The following CCDC12 variants were observed in gnomAD, a reference collection of about 807,000 sequenced individuals.
CCDC12 encodes coiled-coil domain-containing protein 12.
A neutral mutation model predicts 25.7 loss-of-function variants in CCDC12; 28 were observed. The ratio of observed to expected loss-of-function variants is 1.09; its 90% confidence interval spans 0.81 to 1.50. CCDC12 has a LOEUF of 1.50. Ranked by LOEUF, CCDC12 falls within the 40% of genes most tolerant of loss-of-function variation. The pLI, the probability that CCDC12 is intolerant of heterozygous loss-of-function variation, is 0.00. For synonymous variants in CCDC12, 75 were observed against 87.7 expected, an observed-to-expected ratio of 0.86 and a Z score of 0.81; for missense variants, 198 against 210.0, an observed-to-expected ratio of 0.94 and a Z score of 0.35.
intron 3 of CCDC12, 54 bp from the exon 4 acceptor site, chr3:46,923,722 C>A: frequency 7.2e-7 from 1 of 1,383,384 alleles, no homozygotes. Flanking sequence ...TGCCACTCTG[C>A]AGGGACACTG....
intron 2 of CCDC12, among the ~76,000 whole-genome samples, chr3:46,936,464 T>G (rs2033446244): frequency 6.6e-6 from 1 of 152,238 alleles, no homozygotes; most frequent in Non-Finnish European, 1.5e-5. Flanking sequence ...CAAACAGGTA[T>G]GGCATTTGCT....
At chr3:46,929,036 A>G (rs906348276) in intron 2 of CCDC12, among the ~76,000 whole-genome samples, 3 of 152,248 alleles carry the variant, frequency 2.0e-5, no homozygotes, top group African/African-American at 7.2e-5. Flanking sequence ...TATTGACTGT[A>G]TAAAAGAGTA....
chr3:46,966,814 C>T (rs2107191666), intron 1 of CCDC12, among the ~76,000 whole-genome samples: 1 of 152,250 alleles, frequency 6.6e-6, no homozygotes, highest in African/African-American at 2.4e-5. Flanking sequence ...TCCACTGGCA[C>T]CACACACTTC....
At chr3:46,943,183 G>T (rs1418456699) in intron 1 of CCDC12, among the ~76,000 whole-genome samples, 1 of 152,178 alleles carries the variant, frequency 6.6e-6, no homozygotes, top group East Asian at 1.9e-4. Flanking sequence ...GCTTCACTGA[G>T]AAACAAGTCA....
intron 1 of CCDC12, among the ~76,000 whole-genome samples, chr3:46,965,715 C>T (rs1488544065): frequency 6.6e-6 from 1 of 152,178 alleles, no homozygotes; most frequent in Admixed American, 6.5e-5. Context: ...CTGGCCCATC[C>T]CTCTGGCTCC....
At chr3:46,969,512 C>A (rs1464969328) in intron 1 of CCDC12, among the ~76,000 whole-genome samples, 1 of 152,110 alleles carries the variant, frequency 6.6e-6, no homozygotes, top group African/African-American at 2.4e-5. Context: ...GGATTACAGG[C>A]GTGAGACACC....
chr3:46,949,957 T>C (rs916250357), intron 1 of CCDC12, among the ~76,000 whole-genome samples: 1 of 147,908 alleles, frequency 6.8e-6, no homozygotes, highest in African/African-American at 2.5e-5. Flanking sequence ...AACCCAGAGG[T>C]AGTGGTTGCA....
rs149377956 is a variant in CCDC12, at chr3:46,976,587, A to C, written c.96+50T>G. The C allele has an allele frequency of 3.8e-4, 606 of 1,576,906 alleles. 5 individuals carry two copies. In the East Asian group the frequency reaches 0.014, roughly 36 times the overall value. On this transcript the variant is annotated intron_variant, in intron 1 of 6. Coordinates refer to ENST00000683445, the MANE Select transcript of CCDC12 (RefSeq NM_001277074.2). ...TTTGCTCTCCTCAAGCGCGACCCGG[A>C]CCCCGAACGCTGGACGCCTCAACTG...
At chr3:46,957,995 A>ACACACACACACC (rs2034350836) in intron 1 of CCDC12, among the ~76,000 whole-genome samples, 1 of 148,896 alleles carries the variant, frequency 6.7e-6, no homozygotes, top group Non-Finnish European at 1.5e-5. Context: ...ACACACACAC[A>ACACACACACACC]CATATATATG....
chr3:46,977,769 A>C (rs2035043356), upstream of CCDC12, among the ~76,000 whole-genome samples: 1 of 152,026 alleles, frequency 6.6e-6, no homozygotes, highest in Non-Finnish European at 1.5e-5. Flanking sequence ...GCAAACCCCA[A>C]CCTGGGTCCA....
chr3:46,951,025 C>T (rs1179901380), intron 1 of CCDC12, among the ~76,000 whole-genome samples: 1 of 151,870 alleles, frequency 6.6e-6, no homozygotes, highest in African/African-American at 2.4e-5. Context: ...TCCCAACTAC[C>T]CAGGAGGCTG....
chr3:46,981,693 C>T (rs2035354962), upstream of CCDC12, among the ~76,000 whole-genome samples: 1 of 152,130 alleles, frequency 6.6e-6, no homozygotes, highest in Admixed American at 6.5e-5. Context: ...GCTCTAGGTG[C>T]ATGGGCAGGT....
At chr3:46,938,710 T>G (rs1168066592) in intron 2 of CCDC12, among the ~76,000 whole-genome samples, 1 of 151,656 alleles carries the variant, frequency 6.6e-6, no homozygotes, top group Non-Finnish European at 1.5e-5. Context: ...TAGCTGGGCA[T>G]AGTGGTGCGC....
chr3:46,942,769 G>C (rs1157595780), intron 1 of CCDC12, among the ~76,000 whole-genome samples: 1 of 152,220 alleles, frequency 6.6e-6, no homozygotes, highest in African/African-American at 2.4e-5. Context: ...CCAAGTGACA[G>C]CAGCTACACG....
At chr3:46,978,265 G>T (rs749514903), upstream of CCDC12, among the ~76,000 whole-genome samples, 23 of 152,222 alleles carry the variant, frequency 1.5e-4, no homozygotes, top group Non-Finnish European at 1.5e-5. Flanking sequence ...CTGGCATGCA[G>T]TTTGGAGGTG....
intron 1 of CCDC12, among the ~76,000 whole-genome samples, chr3:46,950,036 A>G (rs1483641946): frequency 2.0e-5 from 3 of 151,580 alleles, no homozygotes; most frequent in African/African-American, 7.3e-5. Flanking sequence ...AAAAAAAAAA[A>G]AAAAAGAAAA....
chr3:46,948,974 A>G (rs1173410469), intron 1 of CCDC12, among the ~76,000 whole-genome samples: 2 of 152,222 alleles, frequency 1.3e-5, no homozygotes, highest in Admixed American at 1.3e-4. Context: ...GGTACTGAGG[A>G]GGAAGAGGAA....
chr3:46,970,163 C>A (rs1428358940), intron 1 of CCDC12, among the ~76,000 whole-genome samples: 2 of 152,146 alleles, frequency 1.3e-5, no homozygotes, highest in Non-Finnish European at 2.9e-5. Flanking sequence ...GCCTCCACCT[C>A]CCAAAATGCT....
intron 1 of CCDC12, among the ~76,000 whole-genome samples, chr3:46,971,993 G>A (rs749627124): frequency 1.2e-4 from 18 of 152,114 alleles, no homozygotes; most frequent in Admixed American, 2.6e-4. Flanking sequence ...CAGCAGAAAG[G>A]GCCACAGGCT....
Sources: gnomAD v4.1 joint callset for allele counts (sites outside exome capture counted in the v4.1 genomes callset) on GRCh38, gnomAD v4.1.1 for gene constraint, MANE v1.5 for transcripts, NCBI Gene and HGNC (gene_info 2026-07-23, HGNC 2026-07-21) for gene names.